Variants in ATP2A2 observed in about 807,000 individuals in gnomAD.
The protein encoded by ATP2A2 is ATPase sarcoplasmic/endoplasmic reticulum Ca2+ transporting 2, also known as sarcoplasmic/endoplasmic reticulum calcium ATPase 2.
Under a neutral mutation model 109.3 loss-of-function variants are expected in ATP2A2, and 14 were observed. The ratio of observed to expected loss-of-function variants is 0.13; its 90% confidence interval spans 0.08 to 0.20. The LOEUF (loss-of-function observed/expected upper bound fraction) is 0.20, where lower values mean the gene tolerates loss of function less well. Ranked by LOEUF, ATP2A2 falls within the 10% of genes least tolerant of loss-of-function variation. The probability of loss-of-function intolerance (pLI) is 1.00; values close to 1 mark genes in which losing one functional copy is unlikely to be tolerated. For synonymous variants in ATP2A2, 506 were observed against 490.9 expected (o/e 1.03, Z -0.41); for missense variants, 657 against 1,321.6 (o/e 0.50, Z 7.80).
intron 6 of ATP2A2, among the ~76,000 whole-genome samples, chr12:110,325,056 G>A (rs1345103681): frequency 4.6e-5 from 7 of 151,378 alleles, no homozygotes; most frequent in Non-Finnish European, 7.4e-5. Flanking sequence ...TGAAGTGATC[G>A]CCCGCCTCAA....
chr12:110,282,941 T>A lies in ATP2A2; in HGVS notation c.219+146T>A, dbSNP rs1872298621. The A allele has an allele frequency of 3.2e-5, 25 of 770,678 alleles. No homozygotes were observed. In the South Asian group the frequency reaches 4.0e-4, roughly 12 times the overall value. The allele number at this position is 770,678 out of a possible 1,614,324, so 47.7% of individuals were successfully genotyped here. A position where few individuals can be genotyped will look rare whatever the true frequency, so the allele number is the denominator to read the frequency against. On this transcript the variant is annotated intron_variant, in intron 3 of 19. Coordinates refer to ENST00000539276, the MANE Select transcript of ATP2A2 (RefSeq NM_170665.4). ...ATGTTTAAAAACAATCTGGGCATTT[T>A]AAAATTACAAAACAAAACACTTGAA...
At chr12:110,325,399 C>T (rs550324704) in intron 6 of ATP2A2, among the ~76,000 whole-genome samples, 2 of 151,470 alleles carry the variant, frequency 1.3e-5, no homozygotes, top group South Asian at 2.1e-4. Flanking sequence ...TTTGGGAGGC[C>T]GAGGTGGGGG....
chr12:110,288,002 C>T lies in ATP2A2; in HGVS notation c.220-4018C>T, dbSNP rs183615661. On this transcript the variant is annotated intron_variant, in intron 3 of 19. Coordinates refer to ENST00000539276, the MANE Select transcript of ATP2A2 (RefSeq NM_170665.4). ...CGCCCAGCGGGTAAATGCAGTGGTG[C>T]GATTATAGCTCACTGCAGCCTCAGA... Among the ~76,000 whole-genome samples, 7 of 151,532 alleles carry T rather than the reference C, an allele frequency of 4.6e-5. No individual in the cohort carries two copies. The East Asian group carries it at 9.7e-4, about 21-fold the overall frequency.
At chr12:110,303,564 C>T (rs894520896) in intron 5 of ATP2A2, among the ~76,000 whole-genome samples, 2 of 152,176 alleles carry the variant, frequency 1.3e-5, no homozygotes, top group Non-Finnish European at 2.9e-5. Flanking sequence ...GCACGTACCA[C>T]CACGCCCAGC....
At chr12:110,309,308 C>T (rs1023557604) in intron 5 of ATP2A2, among the ~76,000 whole-genome samples, 3 of 151,380 alleles carry the variant, frequency 2.0e-5, no homozygotes, top group Non-Finnish European at 4.4e-5. Context: ...CAAGTGCCCG[C>T]CACCACACCC....
intron 5 of ATP2A2, among the ~76,000 whole-genome samples, chr12:110,297,954 A>G (rs997244334): frequency 6.6e-6 from 1 of 152,104 alleles, no homozygotes; most frequent in African/African-American, 2.4e-5. Flanking sequence ...ACCAACCAGG[A>G]TAGTCTAGGT....
Position 110,309,140 on chromosome 12 carries a change from A to ATTTTTTTTTTTTTTTTTTTTTTTTTTTT in ATP2A2, c.463+12411_463+12438dup, listed in dbSNP as rs10665212. 1.4e-4 allele frequency among the ~76,000 whole-genome samples: 7 copies of ATTTTTTTTTTTTTTTTTTTTTTTTTTTT among 48,902 alleles called. 1 individual carries two copies. The highest frequency in any genetic ancestry group is 1.8e-4 in the Non-Finnish European group (5 of 28,424). The allele number at this position is 48,902 out of a possible 152,430, so 32.1% of individuals were successfully genotyped here. On this transcript the variant is annotated intron_variant, in intron 5 of 19. Coordinates refer to ENST00000539276, the MANE Select transcript of ATP2A2 (RefSeq NM_170665.4). Reference sequence around the variant, plus strand: ...ATGGAGAGAGAGTTTAAGGAAACTAATTTTTTTTTTTTTTTTTTTTTTTTT... The same window carrying ATTTTTTTTTTTTTTTTTTTTTTTTTTTT: ...ATGGAGAGAGAGTTTAAGGAAACTAATTTTTTTTTTTTTTTTTTTTTTTTTTTTTTTTTTTTTTTTTTTTTTTTTTTTT...
chr12:110,307,353 TCC>T, intron 5 of ATP2A2, among the ~76,000 whole-genome samples: 1 of 151,776 alleles, frequency 6.6e-6, no homozygotes, highest in East Asian at 1.9e-4. Flanking sequence ...ACCTGAGCCT[TCC>T]AGGTTAGCTG....
In ATP2A2 at chr12:110,348,870, C is replaced by G; in HGVS notation, c.*2400C>G. 1.0e-6 allele frequency: 1 copy of G among 985,454 alleles called. No homozygotes were observed. Among genetic ancestry groups the G allele is most frequent in the Non-Finnish European group, 1.2e-6 (1 of 829,952 alleles). 61.0% of individuals were successfully genotyped at this position (985,454 alleles called of 1,614,324 possible). A position where few individuals can be genotyped will look rare whatever the true frequency, so the allele number is the denominator to read the frequency against. On this transcript the variant is annotated 3_prime_UTR_variant, in exon 20 of 20. Transcript: ENST00000539276. The stretch of plus-strand genomic sequence containing the variant: ...AGAAATGGGTTGAATGGGCCAAATG[C>G]AAGGAGTGCATCTCTGGGCTGCAAA...
chr12:110,346,950 CAG>C lies in ATP2A2; in HGVS notation c.*483_*484del, dbSNP rs1455571108. The stretch of plus-strand genomic sequence containing the variant: ...CATAAGCCAATTTTTCTGCACTGAG[CAG>C]AGTCTTGCTACCTCAGTCAGTATTG... On this transcript the variant is annotated 3_prime_UTR_variant, in exon 20 of 20. Coordinates refer to ENST00000539276, the MANE Select transcript of ATP2A2 (RefSeq NM_170665.4). 2.7e-6 allele frequency: 3 copies of C among 1,101,264 alleles called. No homozygotes were observed. Among genetic ancestry groups the C allele is most frequent in the Admixed American group, 4.9e-5 (1 of 20,336 alleles). 68.2% of individuals were successfully genotyped at this position (1,101,264 alleles called of 1,614,324 possible). A position where few individuals can be genotyped will look rare whatever the true frequency, so the allele number is the denominator to read the frequency against.
intron 5 of ATP2A2, among the ~76,000 whole-genome samples, chr12:110,302,580 A>G (rs1874785826): frequency 1.1e-5 from 1 of 88,204 alleles, no homozygotes; most frequent in Non-Finnish European, 2.2e-5. Flanking sequence ...TTTTATTTTT[A>G]TTACTATTAT....
Position 110,302,684 on chromosome 12 carries a change from C to T in ATP2A2, c.463+5947C>T, listed in dbSNP as rs548660144. The stretch of plus-strand genomic sequence containing the variant: ...GCGTGATCTCGGTTCACTGCAACCT[C>T]TGCCTGCCTGTTCAAGTGATTCTTG... On this transcript the variant is annotated intron_variant, in intron 5 of 19. Transcript: ENST00000539276. Among the ~76,000 whole-genome samples the T allele has an allele frequency of 1.1e-3, 170 of 152,126 alleles. 1 individual carries two copies. The highest frequency in any genetic ancestry group is 0.01 in the Middle Eastern group (3 of 292).
rs1049027708 is a variant in ATP2A2 at position 110,328,114 on chromosome 12, A to G, written c.1095+97A>G. 132 of 1,248,834 alleles carry G rather than the reference A, an allele frequency of 1.1e-4. No homozygotes were observed. The South Asian group carries it at 1.6e-3, about 15-fold the overall frequency. The allele number at this position is 1,248,834 out of a possible 1,614,324, so 77.4% of individuals were successfully genotyped here. ...CAAAACTTTTGATTTGTAATTTCAT[A>G]CATTTCTGTGGGCTGTATGTATAGC... On this transcript the variant is annotated intron_variant, in intron 8 of 19. Transcript: ENST00000539276.
Position 110,347,497 on chromosome 12 carries a change from T to G in ATP2A2, c.*1027T>G, listed in dbSNP as rs1159977287. The G allele has an allele frequency of 7.8e-7, 1 of 1,289,030 alleles. No individual in the cohort carries two copies. Among genetic ancestry groups the G allele is most frequent in the African/African-American group, 1.5e-5 (1 of 65,854 alleles). The allele number at this position is 1,289,030 out of a possible 1,614,324, so 79.8% of individuals were successfully genotyped here. A position where few individuals can be genotyped will look rare whatever the true frequency, so the allele number is the denominator to read the frequency against. ...TGTATTCTTAATGTACAGGCACTAA[T>G]TGTCATCTGTGATGTACATTTTATG... On this transcript the variant is annotated 3_prime_UTR_variant, in exon 20 of 20. Transcript: ENST00000539276.
chr12:110,313,818 C>T (rs1876369411), intron 5 of ATP2A2, among the ~76,000 whole-genome samples: 1 of 146,668 alleles, frequency 6.8e-6, no homozygotes, highest in Non-Finnish European at 1.5e-5. Flanking sequence ...TCAAGCGATT[C>T]TTCTGCCTCA....
intron 4 of ATP2A2, chr12:110,295,869 T>C (rs1350992032): frequency 6.6e-6 from 1 of 152,270 alleles, no homozygotes; most frequent in Non-Finnish European, 1.5e-5. Context: ...GGAGGGATAG[T>C]TCTTAGAATT....
intron 3 of ATP2A2, among the ~76,000 whole-genome samples, chr12:110,290,102 A>G (rs1326514664): frequency 2.6e-5 from 4 of 152,234 alleles, no homozygotes; most frequent in Admixed American, 2.6e-4. Flanking sequence ...TGTCATATGG[A>G]GGATAACCTA....
intron 5 of ATP2A2, among the ~76,000 whole-genome samples, chr12:110,315,232 C>T (rs993570136): frequency 6.6e-6 from 1 of 152,138 alleles, no homozygotes; most frequent in Non-Finnish European, 1.5e-5. Context: ...ACCTTTTAAA[C>T]GTGCATTTTT....
chr12:110,284,640 A>C (rs1872490920), intron 3 of ATP2A2, among the ~76,000 whole-genome samples: 1 of 152,160 alleles, frequency 6.6e-6, no homozygotes. Context: ...TTTTTAAATA[A>C]ATGCTTTAAT....
Sources: gnomAD v4.1 joint callset for allele counts (sites outside exome capture counted in the v4.1 genomes callset) on GRCh38, gnomAD v4.1.1 for gene constraint, MANE v1.5 for transcripts, NCBI Gene and HGNC (gene_info 2026-07-23, HGNC 2026-07-21) for gene names.